KLHL40: variants seen among roughly 807,000 people sequenced by gnomAD.
KLHL40 encodes the protein kelch like family member 40.
A neutral mutation model predicts 49.7 loss-of-function variants in KLHL40; 44 were observed. That is an observed-to-expected ratio of 0.89 (90% CI 0.70 to 1.14). KLHL40 has a LOEUF of 1.14. KLHL40 is among the 50% of genes most tolerant of loss of function. The pLI, the probability that KLHL40 is intolerant of heterozygous loss-of-function variation, is 0.00. For synonymous variants in KLHL40, 409 were observed against 365.2 expected (o/e 1.12, Z -1.37); for missense variants, 892 against 850.3 (o/e 1.05, Z -0.61).
chr3:42,691,857 T>C, intron 5 of KLHL40, 25 bp from the exon 6 acceptor site: 1 of 1,472,910 alleles, frequency 6.8e-7, no homozygotes, highest in Non-Finnish European at 9.5e-7. Context: ...TCTCCATCCT[T>C]GTCCCCACTC....
In KLHL40 at chr3:42,690,856, C is replaced by T; in HGVS notation, c.1608-3C>T. 6.3e-7 allele frequency: 1 copy of T among 1,598,738 alleles called. No homozygotes were observed. Among genetic ancestry groups the T allele is most frequent in the Non-Finnish European group, 8.5e-7 (1 of 1,172,254 alleles). On this transcript the variant is annotated splice_region_variant and splice_polypyrimidine_tract_variant and intron_variant, in intron 4 of 5. Coordinates refer to ENST00000287777, the MANE Select transcript of KLHL40 (RefSeq NM_152393.4). ...AATGATGCACCTTCTCACACACCCC[C>T]AGGTGGGCACCCTTCGAGGCCTTCC...
In KLHL40 at chr3:42,688,491, G is replaced by A; in HGVS notation, c.1314-119G>A. Reference sequence around the variant, plus strand: ...GAACTGAGAGGCCTCGGAAGTTCCAGCAATGGATCTGACGCATCTCGAATA... The same window carrying A: ...GAACTGAGAGGCCTCGGAAGTTCCAACAATGGATCTGACGCATCTCGAATA... On this transcript the variant is annotated intron_variant, in intron 2 of 5. Transcript: ENST00000287777. This position sits in a 1 kb window ranked among gnomAD's most constrained non-coding sequence, Gnocchi z 4.2. 8.2e-6 allele frequency: 8 copies of A among 980,532 alleles called. No homozygotes were observed. Among genetic ancestry groups the A allele is most frequent in the Non-Finnish European group, 1.3e-5 (8 of 638,458 alleles). The allele number at this position is 980,532 out of a possible 1,614,324, so 60.7% of individuals were successfully genotyped here. A position where few individuals can be genotyped will look rare whatever the true frequency, so the allele number is the denominator to read the frequency against.
Position 42,686,055 on chromosome 3 carries a change from C to A in KLHL40, c.437C>A (p.Ala146Glu), listed in dbSNP as rs763489381. The A allele has an allele frequency of 1.9e-6, 3 of 1,605,964 alleles. No homozygotes were observed. Among genetic ancestry groups the A allele is most frequent in the Middle Eastern group, 1.6e-4 (1 of 6,084 alleles). ...CGTCTCGGCCTCCTGCTCGACTGCG[C>A]GCGTCTCGCCGTGGCTGCCCGCGAC... ...VFRLGLLLDC[A>E]RLAVAARDFI... Residue 146 changes from alanine (A) to glutamate (E), a missense_variant, in exon 1 of 6, where the codon GCG (alanine) becomes GAG (glutamate). Ala to Glu is a moderately radical substitution (Grantham distance 107). Coordinates refer to ENST00000287777, the MANE Select transcript of KLHL40 (RefSeq NM_152393.4).
At chr3:42,689,110 A>C in intron 4 of KLHL40, 56 bp downstream of exon 4, 2 of 1,489,502 alleles carry the variant, frequency 1.3e-6, no homozygotes, top group South Asian at 2.5e-5. Context: ...GGCTTCTGTC[A>C]GCCCCAGCAG....
intron 4 of KLHL40, among the ~76,000 whole-genome samples, chr3:42,689,717 C>T (rs1238250375): frequency 1.3e-5 from 2 of 151,848 alleles, no homozygotes; most frequent in Admixed American, 6.6e-5. Flanking sequence ...GGGGGCACAG[C>T]GGAGATGGGG....
intron 5 of KLHL40, among the ~76,000 whole-genome samples, chr3:42,691,335 G>A (rs1697363224): frequency 6.6e-6 from 1 of 152,114 alleles, no homozygotes; most frequent in Non-Finnish European, 1.5e-5. Flanking sequence ...CTGCCTTCCG[G>A]GTGCTTGGTC....
Position 42,692,518 on chromosome 3 carries a change from G to GATGGTCTCTGCTCTCC in KLHL40, c.*528_*543dup. 1 of 674,298 alleles carries GATGGTCTCTGCTCTCC rather than the reference G, an allele frequency of 1.5e-6. No individual in the cohort carries two copies. Among genetic ancestry groups the GATGGTCTCTGCTCTCC allele is most frequent in the Non-Finnish European group, 2.4e-6 (1 of 420,284 alleles). The allele number at this position is 674,298 out of a possible 1,614,324, so 41.8% of individuals were successfully genotyped here. A position where few individuals can be genotyped will look rare whatever the true frequency, so the allele number is the denominator to read the frequency against. The stretch of plus-strand genomic sequence containing the variant: ...GTTCTGCTGTTGGGCTGCCAAGGTC[G>GATGGTCTCTGCTCTCC]ATGGTCTCTGCTCTCCATCTGGTGT... On this transcript the variant is annotated 3_prime_UTR_variant, in exon 6 of 6. Coordinates refer to ENST00000287777, the MANE Select transcript of KLHL40 (RefSeq NM_152393.4).
chr3:42,685,652 C>T lies in KLHL40; in HGVS notation c.34C>T (p.Arg12Trp), dbSNP rs1292268522. 7 of 1,609,090 alleles carry T rather than the reference C, an allele frequency of 4.4e-6. No individual in the cohort carries two copies. Among genetic ancestry groups the T allele is most frequent in the Non-Finnish European group, 3.4e-6 (4 of 1,178,086 alleles). Residue 12 changes from arginine (R) to tryptophan (W), a missense_variant, in exon 1 of 6, where the codon CGG becomes TGG. Transcript: ENST00000287777. Reference protein sequence around the residue: ...ALGLEQAEEQRLYQQTLLQDG... With the variant: ...ALGLEQAEEQWLYQQTLLQDG... ...GGGCTTGGAGCAGGCGGAGGAGCAG[C>T]GGTTGTACCAGCAGACGCTCCTGCA...
At position 42,688,512 on chromosome 3, in the gene KLHL40, G is replaced by C; in HGVS notation, c.1314-98G>C. ...TCCAGCAATGGATCTGACGCATCTC[G>C]AATATGTGTTAGGTGGATGGGCGGA... On this transcript the variant is annotated intron_variant, in intron 2 of 5. Transcript: ENST00000287777. The surrounding 1 kb of genome is among the most constrained non-coding windows in gnomAD (Gnocchi z 4.2). The C allele has an allele frequency of 9.6e-7, 1 of 1,038,178 alleles. No individual in the cohort carries two copies. Among genetic ancestry groups the C allele is most frequent in the Non-Finnish European group, 1.5e-6 (1 of 681,612 alleles). The allele number at this position is 1,038,178 out of a possible 1,614,324, so 64.3% of individuals were successfully genotyped here. A position where few individuals can be genotyped will look rare whatever the true frequency, so the allele number is the denominator to read the frequency against.
In KLHL40 at chr3:42,686,667, A is replaced by G; in HGVS notation, c.1049A>G (p.Asn350Ser). The change falls in exon 1 of 6, where the codon AAC becomes AGC. Residue 350 changes from asparagine (N) to serine (S), a missense_variant. Coordinates refer to ENST00000287777, the MANE Select transcript of KLHL40 (RefSeq NM_152393.4). Reference protein sequence around the residue: ...CASLSNQVPKNHVSLVTKENQ... With the variant: ...CASLSNQVPKSHVSLVTKENQ... ...TCCCTCTCCAACCAGGTCCCCAAGA[A>G]CCACGTCAGCCTGGTTACCAAGGAG... The G allele has an allele frequency of 1.2e-6, 2 of 1,613,826 alleles. No homozygotes were observed. The highest frequency in any genetic ancestry group is 1.7e-6 in the Non-Finnish European group (2 of 1,180,006).
At position 42,691,888 on chromosome 3, in the gene KLHL40, C is replaced by A; in HGVS notation, c.1761C>A (p.Asn587Lys). ...CACTCTCTCTCATCCCCAGGTATAA[C>A]GAGGAGGAGAAGAAATGGGAGGGTG... ...PTELNDIWRY[N>K]EEEKKWEGVL... Residue 587 changes from asparagine (N) to lysine (K), a missense_variant, in exon 6 of 6, where the codon AAC (asparagine) becomes AAA (lysine). Physicochemically the swap from Asn to Lys is moderately conservative, Grantham distance 94. Transcript: ENST00000287777. 6.2e-7 allele frequency: 1 copy of A among 1,603,028 alleles called. No homozygotes were observed. Among genetic ancestry groups the A allele is most frequent in the African/African-American group, 1.3e-5 (1 of 74,760 alleles).
chr3:42,689,534 G>A (rs1216463342), intron 4 of KLHL40, among the ~76,000 whole-genome samples: 1 of 152,158 alleles, frequency 6.6e-6, no homozygotes, highest in African/African-American at 2.4e-5. Flanking sequence ...CTGGGTGGAG[G>A]TGGGTGGGTG....
chr3:42,691,948 C>T lies in KLHL40; in HGVS notation c.1821C>T (p.Thr607=). ...LREIAYAAGA[T]FLPVRLNVLC... ...AGATCGCCTATGCAGCAGGTGCCAC[C>T]TTCCTACCAGTGCGGCTCAATGTGC... Residue 607 remains threonine, a synonymous_variant, in exon 6 of 6, where the codon ACC becomes ACT. Coordinates refer to ENST00000287777, the MANE Select transcript of KLHL40 (RefSeq NM_152393.4). The T allele has an allele frequency of 6.2e-7, 1 of 1,613,714 alleles. No individual in the cohort carries two copies. The highest frequency in any genetic ancestry group is 8.5e-7 in the Non-Finnish European group (1 of 1,179,616).
In KLHL40 at chr3:42,688,109, G is replaced by A. The variant is rs747244665; in HGVS notation, c.1153-33G>A. Reference sequence around the variant, plus strand: ...GGCTGGGCTGAGGCTGGGGGAGTGGGGGGCGGTAGCTGACTGGACACCTGG... The same window carrying A: ...GGCTGGGCTGAGGCTGGGGGAGTGGAGGGCGGTAGCTGACTGGACACCTGG... On this transcript the variant is annotated intron_variant, in intron 1 of 5. Coordinates refer to ENST00000287777, the MANE Select transcript of KLHL40 (RefSeq NM_152393.4). The surrounding 1 kb of genome is among the most constrained non-coding windows in gnomAD (Gnocchi z 4.2). 2 of 1,613,240 alleles carry A rather than the reference G, an allele frequency of 1.2e-6. No homozygotes were observed. Among genetic ancestry groups the A allele is most frequent in the African/African-American group, 1.3e-5 (1 of 74,860 alleles).
chr3:42,688,664 A>C lies in KLHL40; in HGVS notation c.1368A>C (p.Thr456=). The C allele has an allele frequency of 6.2e-7, 1 of 1,614,042 alleles. No homozygotes were observed. Among genetic ancestry groups the C allele is most frequent in the South Asian group, 1.1e-5 (1 of 91,082 alleles). The change falls in exon 3 of 6, where the codon ACA becomes ACC. Residue 456 remains threonine (T), a synonymous_variant. Coordinates refer to ENST00000287777, the MANE Select transcript of KLHL40 (RefSeq NM_152393.4). The surrounding 1 kb of genome is among the most constrained non-coding windows in gnomAD (Gnocchi z 4.2). ...TGCCTTACGTGGTGTATGGCCACAC[A>C]GTGCTCTCCCACATGGACCTTGTCT... ...DPLPYVVYGH[T]VLSHMDLVYV...
Position 42,690,918 on chromosome 3 carries a change from T to G in KLHL40, c.1667T>G (p.Val556Gly), listed in dbSNP as rs562557629. ...AGCTCACTCAGCCTGGTCAGCCTGG[T>G]GGGTACCCTCTATGCCATTGGTGGC... is the stretch of plus-strand genomic sequence containing the variant. ...ERSSLSLVSLVGTLYAIGGFA... is the reference protein window; with the variant it reads ...ERSSLSLVSLGGTLYAIGGFA... The change falls in exon 5 of 6, where the codon GTG becomes GGG. Residue 556 changes from valine to glycine, a missense_variant. By Grantham distance (109) the Val-to-Gly change is moderately radical (BLOSUM62 -3). Transcript: ENST00000287777. 2 of 1,613,732 alleles carry G rather than the reference T, an allele frequency of 1.2e-6. No individual in the cohort carries two copies. The highest frequency in any genetic ancestry group is 1.7e-6 in the Non-Finnish European group (2 of 1,179,766).
rs397509421 is a variant in KLHL40 at position 42,690,863 on chromosome 3, G to A, written c.1612G>A (p.Ala538Thr). Reference protein sequence around the residue: ...EVYSITDNKWAPFEAFPQERS... With the variant: ...EVYSITDNKWTPFEAFPQERS... ...CACCTTCTCACACACCCCCAGGTGGGCACCCTTCGAGGCCTTCCCACAGGA... is the reference window on the plus strand; with the variant it reads ...CACCTTCTCACACACCCCCAGGTGGACACCCTTCGAGGCCTTCCCACAGGA... Residue 538 changes from alanine to threonine, a missense_variant, in exon 5 of 6, where the codon GCA (alanine) becomes ACA (threonine). Transcript: ENST00000287777. 7 of 1,603,694 alleles carry A rather than the reference G, an allele frequency of 4.4e-6. No homozygotes were observed. Among genetic ancestry groups the A allele is most frequent in the Admixed American group, 1.7e-5 (1 of 58,866 alleles).
In KLHL40 at chr3:42,685,939, G is replaced by T. The variant is rs140114698; in HGVS notation, c.321G>T (p.Ala107=). 10 of 1,611,576 alleles carry T rather than the reference G, an allele frequency of 6.2e-6. No homozygotes were observed. The highest frequency in any genetic ancestry group is 2.7e-5 in the African/African-American group (2 of 74,924). The change falls in exon 1 of 6, where the codon GCG becomes GCT. Residue 107 remains alanine, a synonymous_variant. Coordinates refer to ENST00000287777, the MANE Select transcript of KLHL40 (RefSeq NM_152393.4). The part of the protein sequence containing the change: ...DEASVQDLFA[A]AHRFQIPSIF... Reference sequence around the variant, plus strand: ...CGAGCGTGCAGGATTTGTTCGCCGCGGCACACCGCTTCCAGATCCCTTCCA... The same window carrying T: ...CGAGCGTGCAGGATTTGTTCGCCGCTGCACACCGCTTCCAGATCCCTTCCA...
Position 42,692,487 on chromosome 3 carries a change from T to TC in KLHL40, c.*494_*495insC. On this transcript the variant is annotated 3_prime_UTR_variant, in exon 6 of 6. Coordinates refer to ENST00000287777, the MANE Select transcript of KLHL40 (RefSeq NM_152393.4). ...AGCAGGTGTGTTGAAGACTTGGGGC[T>TC]TCAGTGTTCTGCTGTTGGGCTGCCA... 1.9e-6 allele frequency: 1 copy of TC among 535,566 alleles called. No homozygotes were observed. Among genetic ancestry groups the TC allele is most frequent in the Admixed American group, 3.2e-5 (1 of 30,944 alleles). The allele number at this position is 535,566 out of a possible 1,614,324, so 33.2% of individuals were successfully genotyped here.
Sources: allele counts gnomAD v4.1 joint callset (sites outside exome capture counted in the v4.1 genomes callset), GRCh38; gene constraint gnomAD v4.1.1; non-coding constraint Gnocchi (gnomAD v3.1); transcripts MANE v1.5; gene names NCBI Gene and HGNC (gene_info 2026-07-23, HGNC 2026-07-21).